The following PTPRM variants were observed in gnomAD, a reference collection of about 807,000 sequenced individuals.
PTPRM encodes receptor-type tyrosine-protein phosphatase mu.
A neutral mutation model predicts 186.7 loss-of-function variants in PTPRM; 47 were observed. That is an observed-to-expected ratio of 0.25 (90% confidence interval 0.20 to 0.32). The LOEUF is 0.32. Ranked by LOEUF, PTPRM falls within the 10% of genes least tolerant of loss-of-function variation. The probability of loss-of-function intolerance (pLI) is 1.00; values close to 1 mark genes in which losing one functional copy is unlikely to be tolerated. For missense variants in PTPRM, 1,494 were observed against 1,865.0 expected (o/e 0.80, Z 3.66); for synonymous variants, 668 against 674.9 (o/e 0.99, Z 0.16).
chr18:8,391,976 A>G (rs144738189), intron 31 of PTPRM, among the ~76,000 whole-genome samples: 2 of 152,366 alleles, frequency 1.3e-5, no homozygotes, highest in East Asian at 3.9e-4. Flanking sequence ...ATTAAATAAT[A>G]TCACAGAGAT....
intron 5 of PTPRM, among the ~76,000 whole-genome samples, chr18:7,942,646 G>T (rs527283260): frequency 6.6e-6 from 1 of 152,038 alleles, no homozygotes; most frequent in Non-Finnish European, 1.5e-5. Context: ...TGCTTGGTGG[G>T]GGGGCGGGGA....
At chr18:8,088,960 T>C (rs2090572717) in intron 11 of PTPRM, 109 bp downstream of exon 11, 1 of 811,112 alleles carries the variant, frequency 1.2e-6, no homozygotes, top group South Asian at 1.6e-5. Context: ...AGCCAGCATG[T>C]AAATCCATAT....
chr18:7,924,140 G>A (rs770939926), intron 4 of PTPRM, among the ~76,000 whole-genome samples: 1 of 152,216 alleles, frequency 6.6e-6, no homozygotes, highest in Non-Finnish European at 1.5e-5. Flanking sequence ...GATGATAGTA[G>A]TGTCACAGCC....
Position 8,072,109 on chromosome 18 carries a change from T to G in PTPRM, c.1441+2115T>G, listed in dbSNP as rs145803823. Among the ~76,000 whole-genome samples, 436 of 152,312 alleles carry G rather than the reference T, an allele frequency of 2.9e-3. 1 individual carries two copies. The highest frequency in any genetic ancestry group is 4.8e-3 in the Non-Finnish European group (329 of 68,012). On this transcript the variant is annotated intron_variant, in intron 8 of 32. Transcript: ENST00000580170. Reference sequence around the variant, plus strand: ...TGACAAGAAGTACTGTCTGTTTTTCTTCTATAGCAATAGGCGTGATATTGA... The same window carrying G: ...TGACAAGAAGTACTGTCTGTTTTTCGTCTATAGCAATAGGCGTGATATTGA...
intron 1 of PTPRM, among the ~76,000 whole-genome samples, chr18:7,656,920 C>T (rs2038862957): frequency 6.6e-6 from 1 of 152,052 alleles, no homozygotes; most frequent in African/African-American, 2.4e-5. Flanking sequence ...TTTCATCTTC[C>T]TTCCCCAGTT....
At chr18:7,772,335 T>TC (rs1365268601) in intron 1 of PTPRM, among the ~76,000 whole-genome samples, 1 of 141,218 alleles carries the variant, frequency 7.1e-6, no homozygotes, top group East Asian at 2.0e-4. Flanking sequence ...GTTCTTTCTT[T>TC]TCTTTCTTTC....
chr18:7,657,364 G>T (rs541694470), intron 1 of PTPRM, among the ~76,000 whole-genome samples: 1 of 152,162 alleles, frequency 6.6e-6, no homozygotes, highest in Non-Finnish European at 1.5e-5. Context: ...CATTCCTCCC[G>T]AGGTGGCTTG....
chr18:8,398,435 T>C (rs1332507223), intron 32 of PTPRM, among the ~76,000 whole-genome samples: 1 of 152,226 alleles, frequency 6.6e-6, no homozygotes, highest in African/African-American at 2.4e-5. Context: ...AAGTCCTACC[T>C]GAACCTCAGT....
At chr18:7,579,112 A>G (rs772896875) in intron 1 of PTPRM, among the ~76,000 whole-genome samples, 4 of 152,198 alleles carry the variant, frequency 2.6e-5, no homozygotes, top group Admixed American at 1.3e-4. Flanking sequence ...CAGGGCCAAC[A>G]TTATGTTTGA....
chr18:8,244,932 T>G (rs2094463905), intron 15 of PTPRM, among the ~76,000 whole-genome samples: 1 of 152,150 alleles, frequency 6.6e-6, no homozygotes, highest in East Asian at 1.9e-4. Context: ...TTCTTTACTG[T>G]GTGAAATCTG....
chr18:8,289,539 T>TATATATACATATATATATACAC (rs1458187817), intron 19 of PTPRM, among the ~76,000 whole-genome samples: 852 of 56,836 alleles, frequency 0.015, 61 homozygotes, highest in African/African-American at 0.096. Context: ...TATATACACA[T>TATATATACATATATATATACAC]ATATATATAT....
chr18:7,938,931 A>T (rs2051996342), intron 5 of PTPRM, among the ~76,000 whole-genome samples: 1 of 152,198 alleles, frequency 6.6e-6, no homozygotes, highest in South Asian at 2.1e-4. Flanking sequence ...TAGTTTTAGT[A>T]CAGTACTCCA....
chr18:8,233,576 T>G (rs1393221776), intron 14 of PTPRM, among the ~76,000 whole-genome samples: 1 of 152,216 alleles, frequency 6.6e-6, no homozygotes, highest in Non-Finnish European at 1.5e-5. Context: ...ACCAGGTATG[T>G]CTTTTACAAA....
At chr18:8,131,751 G>A (rs2092514727) in intron 13 of PTPRM, among the ~76,000 whole-genome samples, 1 of 152,162 alleles carries the variant, frequency 6.6e-6, no homozygotes, top group African/African-American at 2.4e-5. Flanking sequence ...TATTTGTAAG[G>A]GAATGAGAAG....
intron 14 of PTPRM, among the ~76,000 whole-genome samples, chr18:8,227,996 A>G (rs1319113513): frequency 1.3e-5 from 2 of 152,216 alleles, no homozygotes; most frequent in East Asian, 3.9e-4. Flanking sequence ...AAATATTACT[A>G]AGGATGACAG....
chr18:7,700,509 T>G (rs960832822), intron 1 of PTPRM, among the ~76,000 whole-genome samples: 2 of 152,224 alleles, frequency 1.3e-5, no homozygotes, highest in Non-Finnish European at 2.9e-5. Context: ...GACTGTGCAA[T>G]GCATGGATTT....
chr18:8,107,847 C>T (rs1191751479), intron 11 of PTPRM, among the ~76,000 whole-genome samples: 1 of 152,198 alleles, frequency 6.6e-6, no homozygotes, highest in African/African-American at 2.4e-5. Context: ...TGTGTCCAGT[C>T]AGTTACTCTC....
chr18:8,259,409 G>A (rs989806834), intron 19 of PTPRM, among the ~76,000 whole-genome samples: 27 of 152,126 alleles, frequency 1.8e-4, no homozygotes, highest in Non-Finnish European at 2.1e-4. Context: ...AAAGTTTTCT[G>A]AGGAACCTGA....
chr18:8,056,684 C>T (rs1442100238), intron 7 of PTPRM, among the ~76,000 whole-genome samples: 1 of 151,124 alleles, frequency 6.6e-6, no homozygotes, highest in Non-Finnish European at 1.5e-5. Context: ...TAACTGGAAC[C>T]ATTACTTTAA....
Sources: gnomAD v4.1 joint callset for allele counts (sites outside exome capture counted in the v4.1 genomes callset) on GRCh38, gnomAD v4.1.1 for gene constraint, MANE v1.5 for transcripts, NCBI Gene and HGNC (gene_info 2026-07-23, HGNC 2026-07-21) for gene names.